INSL6: variants seen among roughly 807,000 people sequenced by gnomAD.
The protein encoded by INSL6 is insulin-like peptide INSL6.
In INSL6, 16 loss-of-function variants were observed where a neutral mutation model predicts 9.4. That is an observed-to-expected ratio of 1.70 (90% CI 1.15 to 2.59). The LOEUF is 2.59. Ranked by LOEUF, INSL6 falls within the 30% of genes most tolerant of loss-of-function variation. The probability of loss-of-function intolerance (pLI) is 0.00; values close to 1 mark genes in which losing one functional copy is unlikely to be tolerated. For synonymous variants in INSL6, 154 were observed against 96.9 expected (o/e 1.59, Z -3.46); for missense variants, 391 against 257.3 (o/e 1.52, Z -3.56).
chr9:5,163,952 T>C lies in INSL6; in HGVS notation c.603A>G (p.Leu201=), dbSNP rs759221356. The change falls in exon 2 of 2, where the codon CTA becomes CTG. Residue 201 remains leucine, a synonymous_variant. Transcript: ENST00000381641. ...TTACAAGTGATGATCTTTTTTCCTT[T>C]AGCCTTTTAAAATCAATATATGGAA... ...ACLPYIDFKR[L]KEKRSSLVTK... is the part of the protein sequence containing the mutation. 3.1e-6 allele frequency: 5 copies of C among 1,608,970 alleles called. No individual in the cohort carries two copies. The highest frequency in any genetic ancestry group is 4.5e-5 in the East Asian group (2 of 44,796).
At chr9:5,166,840 G>A (rs114876224) in intron 1 of INSL6, among the ~76,000 whole-genome samples, 1 of 152,194 alleles carries the variant, frequency 6.6e-6, no homozygotes, top group South Asian at 2.1e-4. Flanking sequence ...AACAATATGA[G>A]ATTTTAAAAT....
the INSL6 span, among the ~76,000 whole-genome samples, chr9:5,081,116 C>T: frequency 4.0e-4 from 60 of 151,898 alleles, no homozygotes; most frequent in African/African-American, 1.3e-3. Context: ...AGGATGGTCT[C>T]GATCTCCTGA....
At chr9:5,096,811 G>C in the INSL6 span, 1 of 152,162 alleles carries the variant, frequency 6.6e-6, no homozygotes, top group African/African-American at 2.4e-5. Context: ...ACTCTGCTAG[G>C]AGATGACCAG....
the INSL6 span, among the ~76,000 whole-genome samples, chr9:5,040,670 TC>T: frequency 2.0e-5 from 3 of 152,242 alleles, no homozygotes; most frequent in Admixed American, 6.5e-5. Context: ...TAGACATTTT[TC>T]CAAATAAGAT....
At chr9:5,161,544 T>G (rs1777330191), downstream of INSL6, among the ~76,000 whole-genome samples, 1 of 152,160 alleles carries the variant, frequency 6.6e-6, no homozygotes, top group African/African-American at 2.4e-5. Flanking sequence ...GGTTGTCCCC[T>G]TTCACTACTG....
At chr9:5,058,299 G>C in the INSL6 span, among the ~76,000 whole-genome samples, 1 of 152,166 alleles carries the variant, frequency 6.6e-6, no homozygotes, top group Admixed American at 6.5e-5. Flanking sequence ...AGTTCGGCAT[G>C]GCTGGCCCAG....
intron 2 of INSL6, among the ~76,000 whole-genome samples, chr9:5,150,723 T>C (rs762935265): frequency 5.9e-5 from 9 of 152,152 alleles, no homozygotes; most frequent in Non-Finnish European, 1.3e-4. Context: ...ACTGCATGTC[T>C]ACCTAAAGGA....
chr9:5,031,356 T>C, the INSL6 span, among the ~76,000 whole-genome samples: 9 of 152,168 alleles, frequency 5.9e-5, no homozygotes, highest in Admixed American at 2.6e-4. Context: ...CATAATTAAA[T>C]TCAGAATCAT....
chr9:5,046,771 G>C, the INSL6 span, among the ~76,000 whole-genome samples: 1 of 151,596 alleles, frequency 6.6e-6, no homozygotes, highest in Non-Finnish European at 1.5e-5. Context: ...AATGGAGAGA[G>C]GCTTCTAAGA....
At chr9:5,165,017 C>T (rs1192760651) in intron 1 of INSL6, among the ~76,000 whole-genome samples, 2 of 152,128 alleles carry the variant, frequency 1.3e-5, no homozygotes, top group African/African-American at 4.8e-5. Flanking sequence ...ATACCAGCTT[C>T]GCCAACATGG....
chr9:5,111,097 G>A, the INSL6 span: 6 of 1,224,276 alleles, frequency 4.9e-6, no homozygotes, highest in African/African-American at 4.5e-5. Flanking sequence ...GGGCAGCGGC[G>A]ACCAGAACAG....
At chr9:5,002,994 A>G in the INSL6 span, among the ~76,000 whole-genome samples, 1 of 151,986 alleles carries the variant, frequency 6.6e-6, no homozygotes, top group African/African-American at 2.4e-5. Context: ...GAAATGACCA[A>G]TATTTCTTCA....
chr9:5,184,044 G>C (rs1325125603), intron 1 of INSL6, among the ~76,000 whole-genome samples: 1 of 152,160 alleles, frequency 6.6e-6, no homozygotes, highest in Non-Finnish European at 1.5e-5. Context: ...TTTGTATGTG[G>C]GTTAGTTTGA....
the INSL6 span, chr9:5,054,697 TGAAA>T: frequency 6.2e-7 from 1 of 1,613,450 alleles, no homozygotes; most frequent in Non-Finnish European, 8.5e-7. The surrounding 1 kb of genome is among the most constrained non-coding windows in gnomAD (Gnocchi z 4.9). Context: ...GCCAGAAACT[TGAAA>T]CTTAAGTATC....
the INSL6 span, among the ~76,000 whole-genome samples, chr9:5,036,732 A>C: frequency 5.3e-5 from 8 of 152,124 alleles, no homozygotes; most frequent in African/African-American, 9.7e-5. Context: ...TAAAGACTTA[A>C]ATGTTAGACC....
chr9:5,157,878 G>A (rs189505338), intron 2 of INSL6, among the ~76,000 whole-genome samples: 86 of 152,206 alleles, frequency 5.7e-4, no homozygotes, highest in Non-Finnish European at 1.1e-3. Flanking sequence ...ATCCCACAGG[G>A]ATAGAGTTAT....
chr9:5,066,740 G>A, the INSL6 span: 7 of 1,605,382 alleles, frequency 4.4e-6, no homozygotes, highest in African/African-American at 1.3e-5. Context: ...TATGTACTTC[G>A]ATGCAGTCCT....
the INSL6 span, among the ~76,000 whole-genome samples, chr9:5,072,065 C>G: frequency 9.9e-5 from 15 of 152,072 alleles, no homozygotes; most frequent in Non-Finnish European, 2.1e-4. Context: ...AGCTGCAGCA[C>G]AGAGATTAAA....
At chr9:5,111,732 G>C in the INSL6 span, 15 of 431,292 alleles carry the variant, frequency 3.5e-5, no homozygotes, top group Non-Finnish European at 6.4e-5. Context: ...GAGCGCGTGG[G>C]CTACCGGCTG....
Sources: gnomAD v4.1 joint callset for allele counts (sites outside exome capture counted in the v4.1 genomes callset) on GRCh38, gnomAD v4.1.1 for gene constraint, Gnocchi (gnomAD v3.1) non-coding constraint, MANE v1.5 for transcripts, NCBI Gene and HGNC (gene_info 2026-07-23, HGNC 2026-07-21) for gene names.